RNF38: variants seen among roughly 807,000 people sequenced by gnomAD.
RNF38 encodes the protein E3 ubiquitin-protein ligase RNF38.
A neutral mutation model predicts 67.2 loss-of-function variants in RNF38; 15 were observed. That is an observed-to-expected ratio of 0.22 (90% confidence interval 0.15 to 0.34). The LOEUF (loss-of-function observed/expected upper bound fraction) is 0.34, where lower values mean the gene tolerates loss of function less well. Ranked by LOEUF, RNF38 falls within the 10% of genes least tolerant of loss-of-function variation. The probability of loss-of-function intolerance (pLI) is 1.00; values close to 1 mark genes in which losing one functional copy is unlikely to be tolerated. For synonymous variants in RNF38, 220 were observed against 218.8 expected (o/e 1.01, Z -0.05); for missense variants, 524 against 639.9 (o/e 0.82, Z 1.95).
At chr9:36,463,623 G>A (rs973443063) in intron 1 of RNF38, among the ~76,000 whole-genome samples, 1 of 152,150 alleles carries the variant, frequency 6.6e-6, no homozygotes, top group African/African-American at 2.4e-5. Context: ...ACGTGGTCAC[G>A]AAGGGGGCAA....
At position 36,391,941 on chromosome 9, in the gene RNF38, A is replaced by G. The variant is rs1386545443; in HGVS notation, c.13-1325T>C. Among the ~76,000 whole-genome samples the G allele has an allele frequency of 3.3e-5, 5 of 152,200 alleles. No homozygotes were observed. The East Asian group carries it at 7.7e-4, about 23-fold the overall frequency. On this transcript the variant is annotated intron_variant, in intron 1 of 11. Transcript: ENST00000259605. Reference sequence around the variant, plus strand: ...TTCCTACTTTCAAAAAGTATATGCTATAAGAAAGAAACAAAAGTAAATCAC... The same window carrying G: ...TTCCTACTTTCAAAAAGTATATGCTGTAAGAAAGAAACAAAAGTAAATCAC...
intron 3 of RNF38, among the ~76,000 whole-genome samples, chr9:36,371,697 C>T (rs1208638403): frequency 6.6e-6 from 1 of 152,062 alleles, no homozygotes; most frequent in African/African-American, 2.4e-5. Flanking sequence ...GGTGATCTGC[C>T]TGCCTCAGCC....
At position 36,363,197 on chromosome 9, in the gene RNF38, C is replaced by T; in HGVS notation, c.571-5255G>A. Among the ~76,000 whole-genome samples, 2 of 99,892 alleles carry T rather than the reference C, an allele frequency of 2.0e-5. 1 individual carries two copies. Among genetic ancestry groups the T allele is most frequent in the Non-Finnish European group, 5.2e-5 (2 of 38,500 alleles). The allele number at this position is 99,892 out of a possible 152,430, so 65.5% of individuals were successfully genotyped here. A position where few individuals can be genotyped will look rare whatever the true frequency, so the allele number is the denominator to read the frequency against. ...CGAGGGATCCTCCAGCCTCCGCCTC[C>T]TAAGTAGATGGGACTACAGTGGAGC... On this transcript the variant is annotated intron_variant, in intron 4 of 11. Coordinates refer to ENST00000259605, the MANE Select transcript of RNF38 (RefSeq NM_022781.5).
chr9:36,436,818 C>CAAA (rs35428713), intron 1 of RNF38, among the ~76,000 whole-genome samples: 64 of 80,250 alleles, frequency 8.0e-4, no homozygotes, highest in East Asian at 1.3e-3. Context: ...CGAGACTCCT[C>CAAA]AAAAAAAAAA....
intron 4 of RNF38, among the ~76,000 whole-genome samples, chr9:36,367,502 G>A (rs182713910): frequency 2.0e-5 from 3 of 151,892 alleles, no homozygotes; most frequent in Non-Finnish European, 2.9e-5. Context: ...ATGCAGGACG[G>A]GTTCAATATT....
chr9:36,377,904 G>A (rs1387744353), intron 2 of RNF38, among the ~76,000 whole-genome samples: 1 of 151,264 alleles, frequency 6.6e-6, no homozygotes, highest in Non-Finnish European at 1.5e-5. Context: ...TCCCATCCGT[G>A]GTTGGTTCAA....
chr9:36,378,226 G>T (rs1301103093), intron 2 of RNF38, among the ~76,000 whole-genome samples: 1 of 148,626 alleles, frequency 6.7e-6, no homozygotes, highest in Non-Finnish European at 1.5e-5. Flanking sequence ...GCCCAGGCTG[G>T]AGTTCAGTGA....
chr9:36,481,118 G>A (rs112732010), intron 1 of RNF38, among the ~76,000 whole-genome samples: 70 of 150,988 alleles, frequency 4.6e-4, no homozygotes, highest in African/African-American at 1.6e-3. Flanking sequence ...GGGTTCAAGC[G>A]ATTCTCCTGC....
At chr9:36,352,719 C>CT in intron 8 of RNF38, 23 bp downstream of exon 8, 1 of 1,500,354 alleles carries the variant, frequency 6.7e-7, no homozygotes, top group Non-Finnish European at 9.3e-7. Context: ...ATTCAGAAAT[C>CT]ATTAAGATAA....
rs76467487 is a variant in RNF38 at position 36,340,721 on chromosome 9, C to T, written c.1486-907G>A. Among the ~76,000 whole-genome samples, 448 of 152,250 alleles carry T rather than the reference C, an allele frequency of 2.9e-3. 2 individuals carry two copies. The highest frequency in any genetic ancestry group is 0.022 in the South Asian group (106 of 4,822). On this transcript the variant is annotated intron_variant, in intron 11 of 11. Coordinates refer to ENST00000259605, the MANE Select transcript of RNF38 (RefSeq NM_022781.5). ...AGTCACAGAAAACATTTAGTGGTACCGAGGAAAGCTTGATTGTAAAATAGG... is the reference window on the plus strand; with the variant it reads ...AGTCACAGAAAACATTTAGTGGTACTGAGGAAAGCTTGATTGTAAAATAGG...
chr9:36,358,739 G>A (rs1324174257), intron 4 of RNF38, among the ~76,000 whole-genome samples: 1 of 152,176 alleles, frequency 6.6e-6, no homozygotes, highest in African/African-American at 2.4e-5. Context: ...GCCAGGCACG[G>A]TGGCTCATGC....
chr9:36,423,831 C>T (rs1262246227), intron 2 of RNF38, among the ~76,000 whole-genome samples: 86 of 84,476 alleles, frequency 1.0e-3, no homozygotes, highest in Non-Finnish European at 1.5e-3. Flanking sequence ...CGCCTGTAGT[C>T]CCAGCTACTC....
At chr9:36,430,834 C>A (rs1838914056) in intron 1 of RNF38, among the ~76,000 whole-genome samples, 1 of 151,552 alleles carries the variant, frequency 6.6e-6, no homozygotes, top group South Asian at 2.1e-4. Context: ...AAAATCTGGC[C>A]CTAATGAGGA....
intron 2 of RNF38, among the ~76,000 whole-genome samples, chr9:36,376,729 C>T (rs1175644157): frequency 1.3e-5 from 2 of 151,918 alleles, no homozygotes; most frequent in Non-Finnish European, 2.9e-5. Flanking sequence ...AGTTCGAGAC[C>T]GGCCTGGCCA....
At chr9:36,461,192 C>T (rs915729422) in intron 1 of RNF38, among the ~76,000 whole-genome samples, 8 of 152,156 alleles carry the variant, frequency 5.3e-5, no homozygotes, top group Non-Finnish European at 1.0e-4. Context: ...TGCACTCCAG[C>T]CTGGGCAACA....
chr9:36,370,786 T>C (rs1835316835), intron 3 of RNF38, among the ~76,000 whole-genome samples: 1 of 152,004 alleles, frequency 6.6e-6, no homozygotes, highest in South Asian at 2.1e-4. Flanking sequence ...TGTGCACCTA[T>C]AGTCCCAGCT....
intron 1 of RNF38, among the ~76,000 whole-genome samples, chr9:36,451,067 G>A (rs1460488382): frequency 6.6e-6 from 1 of 152,174 alleles, no homozygotes; most frequent in African/African-American, 2.4e-5. Flanking sequence ...AGTGCAAAGA[G>A]AAAACACAGA....
At chr9:36,486,604 T>G (rs1448242067) in intron 1 of RNF38, among the ~76,000 whole-genome samples, 1 of 152,050 alleles carries the variant, frequency 6.6e-6, no homozygotes, top group Non-Finnish European at 1.5e-5. Context: ...ATTGGTTTAG[T>G]CAGTGCAGTG....
At position 36,352,854 on chromosome 9, in the gene RNF38, A is replaced by G. The variant is rs757364390; in HGVS notation, c.1072-6T>C. On this transcript the variant is annotated splice_polypyrimidine_tract_variant and splice_region_variant and intron_variant, in intron 7 of 11. Transcript: ENST00000259605. ...GGCATAAATGGAGGATAAGGCTGCA[A>G]GGGGAAAAATGTTAAGATTTAGAAT... The G allele has an allele frequency of 6.3e-7, 1 of 1,593,376 alleles. No homozygotes were observed. The highest frequency in any genetic ancestry group is 2.2e-5 in the East Asian group (1 of 44,774).
Sources: gnomAD v4.1 joint callset for allele counts (sites outside exome capture counted in the v4.1 genomes callset) on GRCh38, gnomAD v4.1.1 for gene constraint, MANE v1.5 for transcripts, NCBI Gene and HGNC (gene_info 2026-07-23, HGNC 2026-07-21) for gene names.